The following BBS9 variants were observed in gnomAD, a reference collection of about 807,000 sequenced individuals.
BBS9 encodes Bardet-Biedl syndrome 9.
In BBS9, 89 loss-of-function variants were observed where a neutral mutation model predicts 117.7. The observed-to-expected ratio is 0.76, with a 90% CI of 0.64 to 0.90. The LOEUF is 0.90. BBS9 is among the 40% of genes least tolerant of loss of function. BBS9 has a pLI of 0.00. For synonymous variants in BBS9, 379 were observed against 370.9 expected, an observed-to-expected ratio of 1.02 and a Z score of -0.25; for missense variants, 982 against 1,042.2, an observed-to-expected ratio of 0.94 and a Z score of 0.80.
chr7:33,463,849 A>C (rs1300928675), intron 19 of BBS9, among the ~76,000 whole-genome samples: 1 of 152,104 alleles, frequency 6.6e-6, no homozygotes, highest in Non-Finnish European at 1.5e-5. Context: ...CCCCTTTCTG[A>C]AATTCTGAGT....
rs10706136 is a variant in BBS9, at chr7:33,441,280, C to CA, written c.2115+53148dup. ...GGGGAAAGGATGAGCTGTAGATGGC[C>CA]AAAAAAAAAAAATAAAATAAAAGGG... On this transcript the variant is annotated intron_variant, in intron 19 of 22. Transcript: ENST00000242067. 6.2e-3 allele frequency among the ~76,000 whole-genome samples: 883 copies of CA among 141,628 alleles called. 6 individuals carry two copies. Among genetic ancestry groups the CA allele is most frequent in the Non-Finnish European group, 8.3e-3 (536 of 64,288 alleles). 92.9% of individuals were successfully genotyped at this position (141,628 alleles called of 152,430 possible).
chr7:33,318,117 A>G (rs981101030), intron 9 of BBS9, among the ~76,000 whole-genome samples: 1 of 152,168 alleles, frequency 6.6e-6, no homozygotes, highest in Non-Finnish European at 1.5e-5. Context: ...AGATAACAAA[A>G]GCAAAACCCC....
intron 20 of BBS9, among the ~76,000 whole-genome samples, chr7:33,512,759 G>C (rs1353797125): frequency 6.6e-6 from 1 of 152,188 alleles, no homozygotes; most frequent in Non-Finnish European, 1.5e-5. Flanking sequence ...CAGCACGCCC[G>C]CTGTGCTGTG....
chr7:33,368,896 T>A (rs371378739), intron 17 of BBS9, among the ~76,000 whole-genome samples: 36 of 152,152 alleles, frequency 2.4e-4, no homozygotes, highest in African/African-American at 8.4e-4. Flanking sequence ...TAGACTCAGA[T>A]ACTATTGAAG....
intron 19 of BBS9, among the ~76,000 whole-genome samples, chr7:33,493,044 G>GA (rs767428998): frequency 6.6e-5 from 10 of 151,900 alleles, no homozygotes; most frequent in Non-Finnish European, 1.3e-4. Flanking sequence ...GCCTAGGCTG[G>GA]AGTGCAGTGG....
At chr7:33,304,409 G>A (rs1451846525) in intron 9 of BBS9, among the ~76,000 whole-genome samples, 2 of 145,102 alleles carry the variant, frequency 1.4e-5, no homozygotes, top group African/African-American at 5.2e-5. Context: ...GGTGAGGAGT[G>A]TCTGCCCAGC....
At chr7:33,407,142 C>A (rs1243589682) in intron 19 of BBS9, among the ~76,000 whole-genome samples, 1 of 152,114 alleles carries the variant, frequency 6.6e-6, no homozygotes, top group Admixed American at 6.6e-5. Flanking sequence ...TCTTTTTATT[C>A]TTTTTTCTCT....
At chr7:33,244,808 C>A (rs979039975) in intron 5 of BBS9, among the ~76,000 whole-genome samples, 3 of 152,166 alleles carry the variant, frequency 2.0e-5, no homozygotes, top group Non-Finnish European at 2.9e-5. Context: ...ACCTTATCAT[C>A]TTGTGTTTCT....
chr7:33,432,680 G>A (rs374450634), intron 19 of BBS9, among the ~76,000 whole-genome samples: 4 of 152,016 alleles, frequency 2.6e-5, no homozygotes, highest in Admixed American at 6.6e-5. Flanking sequence ...GTTGTTATTC[G>A]AAATGGAAGA....
chr7:33,334,050 G>A (rs1426331800), intron 9 of BBS9, among the ~76,000 whole-genome samples: 2 of 152,132 alleles, frequency 1.3e-5, no homozygotes, highest in Non-Finnish European at 2.9e-5. Context: ...ACTTGAACAC[G>A]TGAAATACCA....
Position 33,273,889 on chromosome 7 carries a change from G to T in BBS9, c.949G>T (p.Asp317Tyr). ...TAATAACATGCTGCATATTTATCAA[G>T]ATGTGACACTGAAGTGGGCCACCCA... Reference protein sequence around the residue: ...NHNNMLHIYQDVTLKWATQLP... With the variant: ...NHNNMLHIYQYVTLKWATQLP... Residue 317 changes from aspartate (D) to tyrosine (Y), a missense_variant, in exon 9 of 23, where the codon GAT becomes TAT. Coordinates refer to ENST00000242067, the MANE Select transcript of BBS9 (RefSeq NM_198428.3). 6.2e-7 allele frequency: 1 copy of T among 1,611,702 alleles called. No homozygotes were observed. The highest frequency in any genetic ancestry group is 8.5e-7 in the Non-Finnish European group (1 of 1,178,014).
At chr7:33,438,053 G>C (rs1835583487) in intron 19 of BBS9, among the ~76,000 whole-genome samples, 1 of 152,072 alleles carries the variant, frequency 6.6e-6, no homozygotes. Context: ...AAAGCATATT[G>C]TAACACCTGG....
chr7:33,599,348 TC>T (rs1046351511), intron 21 of BBS9, among the ~76,000 whole-genome samples: 1 of 152,158 alleles, frequency 6.6e-6, no homozygotes, highest in Non-Finnish European at 1.5e-5. Context: ...ACCCTGCCTA[TC>T]CCCCACCTTA....
chr7:33,277,863 T>C (rs775336567), intron 9 of BBS9, among the ~76,000 whole-genome samples: 5 of 152,122 alleles, frequency 3.3e-5, no homozygotes, highest in Admixed American at 1.3e-4. Flanking sequence ...TGAAGGAGTA[T>C]TGGGGAAGTT....
At chr7:33,538,848 G>T (rs541427429) in intron 21 of BBS9, among the ~76,000 whole-genome samples, 63 of 151,200 alleles carry the variant, frequency 4.2e-4, no homozygotes, top group African/African-American at 1.5e-3. Flanking sequence ...GAAGTATATG[G>T]GTTCCATAGC....
At chr7:33,185,922 C>T (rs995371380) in intron 5 of BBS9, among the ~76,000 whole-genome samples, 1 of 152,102 alleles carries the variant, frequency 6.6e-6, no homozygotes, top group African/African-American at 2.4e-5. Flanking sequence ...AACTTTTGGC[C>T]TTAGTTGCTG....
At chr7:33,313,650 C>T (rs1809816825) in intron 9 of BBS9, among the ~76,000 whole-genome samples, 1 of 152,176 alleles carries the variant, frequency 6.6e-6, no homozygotes, top group Non-Finnish European at 1.5e-5. Context: ...TCGGTGACAA[C>T]TTCTTTTTGT....
chr7:33,496,519 G>T (rs1388779072), intron 19 of BBS9, among the ~76,000 whole-genome samples: 1 of 150,974 alleles, frequency 6.6e-6, no homozygotes, highest in East Asian at 1.9e-4. Context: ...AAAAAAAAAA[G>T]TATTCTGATC....
chr7:33,207,506 G>T (rs927523666), intron 5 of BBS9, among the ~76,000 whole-genome samples: 3 of 150,620 alleles, frequency 2.0e-5, no homozygotes, highest in African/African-American at 7.3e-5. Context: ...GCCTCTTTAA[G>T]CTGGCTCCTG....
Sources: gnomAD v4.1 joint callset for allele counts (sites outside exome capture counted in the v4.1 genomes callset) on GRCh38, gnomAD v4.1.1 for gene constraint, MANE v1.5 for transcripts, NCBI Gene and HGNC (gene_info 2026-07-23, HGNC 2026-07-21) for gene names.